FMR1: variants seen among roughly 807,000 people sequenced by gnomAD.
The protein encoded by FMR1 is fragile X messenger ribonucleoprotein 1, also known as FMRP translational regulator 1.
Under a neutral mutation model 50.6 loss-of-function variants are expected in FMR1, and 13 were observed. The observed-to-expected ratio is 0.26, with a 90% CI of 0.17 to 0.41. The LOEUF is 0.41. Among genes scored for constraint, FMR1 ranks in the 10% least tolerant of loss-of-function variants. FMR1 has a pLI of 1.00. For synonymous variants in FMR1, 138 were observed against 164.1 expected (o/e 0.84, Z 1.22); for missense variants, 316 against 491.3 (o/e 0.64, Z 3.37).
chrX:147,935,030 T>C (rs1201061640), intron 9 of FMR1, among the ~76,000 whole-genome samples: 1 of 111,967 alleles, frequency 8.9e-6, no homozygotes, highest in Admixed American at 9.5e-5. Flanking sequence ...AATTAAGATA[T>C]TATCTTAATA....
In FMR1 at chrX:147,925,594, A is replaced by G. The variant is rs2043357733; in HGVS notation, c.159A>G (p.Val53=). Residue 53 remains valine (V), a synonymous_variant, in exon 3 of 17, where the codon GTA becomes GTG. Transcript: ENST00000370475. ...ATGATGTCAGATTCCCACCTCCTGT[A>G]GGTTATAATAAAGATATAAATGAAA... is the stretch of plus-strand genomic sequence containing the variant. The part of the protein sequence containing the change: ...PFHDVRFPPP[V]GYNKDINESD... The G allele has an allele frequency of 1.7e-6, 2 of 1,203,497 alleles. No individual in the cohort carries two copies. Among genetic ancestry groups the G allele is most frequent in the South Asian group, 1.8e-5 (1 of 56,806 alleles).
chrX:147,944,835 C>T, intron 14 of FMR1, 34 bp from the exon 15 acceptor site: 5 of 1,160,106 alleles, frequency 4.3e-6, no homozygotes, highest in Admixed American at 2.6e-5. Context: ...TTTTTAAAGT[C>T]AGACAATGGT....
chrX:147,944,903 A>G lies in FMR1; in HGVS notation c.1506A>G (p.Thr502=). 8.3e-7 allele frequency: 1 copy of G among 1,209,822 alleles called. No individual in the cohort carries two copies. The highest frequency in any genetic ancestry group is 1.1e-6 in the Non-Finnish European group (1 of 894,881). Residue 502 remains threonine (T), a synonymous_variant, in exon 15 of 17, where the codon ACA becomes ACG. Coordinates refer to ENST00000370475, the MANE Select transcript of FMR1 (RefSeq NM_002024.6). ...CTGAAGCATCAAATGCTTCTGAAAC[A>G]GAATCTGACCACAGAGACGAACTCA... The part of the protein sequence containing the change: ...TNSEASNASE[T]ESDHRDELSD...
At chrX:147,938,620 C>T (rs1557180106) in intron 12 of FMR1, among the ~76,000 whole-genome samples, 1 of 111,755 alleles carries the variant, frequency 8.9e-6, no homozygotes, top group East Asian at 2.8e-4. Flanking sequence ...TTGCAATGTG[C>T]TCACCCCTAG....
chrX:147,939,423 ATGGGC>A (rs1557180254), intron 12 of FMR1, among the ~76,000 whole-genome samples: 1 of 111,608 alleles, frequency 9.0e-6, no homozygotes, highest in African/African-American at 3.3e-5. Flanking sequence ...TGAAATGTGT[ATGGGC>A]TTGATAAAAC....
chrX:147,917,164 G>A (rs1557175402), intron 1 of FMR1, among the ~76,000 whole-genome samples: 1 of 111,780 alleles, frequency 8.9e-6, no homozygotes. Context: ...ATTGGTGGTC[G>A]GGTGTACATT....
intron 1 of FMR1, among the ~76,000 whole-genome samples, chrX:147,918,671 G>A (rs1260278240): frequency 2.9e-5 from 3 of 103,512 alleles, no homozygotes; most frequent in African/African-American, 1.1e-4. Context: ...ATTCAACTGG[G>A]CAATAACTTT....
chrX:147,943,616 C>A (rs1557181374), intron 14 of FMR1: 3 of 312,567 alleles, frequency 9.6e-6, no homozygotes, highest in African/African-American at 8.0e-5. Context: ...ACTGTATAGT[C>A]AAAACTTTTT....
At chrX:147,920,236 G>T (rs930461136) in intron 1 of FMR1, among the ~76,000 whole-genome samples, 1 of 111,683 alleles carries the variant, frequency 9.0e-6, no homozygotes, top group Non-Finnish European at 1.9e-5. Flanking sequence ...TTGCATGTGG[G>T]TGTCCACTTG....
At chrX:147,932,033 A>AT (rs1165870832) in intron 7 of FMR1, among the ~76,000 whole-genome samples, 1 of 111,573 alleles carries the variant, frequency 9.0e-6, no homozygotes, top group African/African-American at 3.3e-5. Flanking sequence ...ATATTTAAAC[A>AT]TTTTTTTACC....
intron 13 of FMR1, among the ~76,000 whole-genome samples, chrX:147,941,476 CTA>C (rs1569545972): frequency 8.9e-6 from 1 of 112,287 alleles, no homozygotes; most frequent in African/African-American, 3.2e-5. Context: ...CATTTCAACT[CTA>C]TTTATGGCAT....
intron 5 of FMR1, 144 bp from the exon 6 acceptor site, chrX:147,929,804 C>G (rs1557178304): frequency 2.2e-6 from 1 of 464,134 alleles, no homozygotes; most frequent in Non-Finnish European, 3.7e-6. Context: ...AGAAAAGGAG[C>G]TAAGCTTCTA....
At chrX:147,914,458 T>C (rs1557174685) in intron 1 of FMR1, 1 of 112,092 alleles carries the variant, frequency 8.9e-6, no homozygotes, top group Non-Finnish European at 1.9e-5. Context: ...TGAACTGCTG[T>C]GGAGAAGTGT....
intron 1 of FMR1, chrX:147,913,558 T>C (rs1390686273): frequency 2.7e-5 from 3 of 112,120 alleles, no homozygotes; most frequent in African/African-American, 9.7e-5. Flanking sequence ...AAATAAACAA[T>C]TGACTTTATT....
intron 1 of FMR1, among the ~76,000 whole-genome samples, chrX:147,917,246 G>A (rs2042916957): frequency 1.8e-5 from 2 of 111,981 alleles, no homozygotes; most frequent in Admixed American, 1.9e-4. Flanking sequence ...CTAAGGGAAG[G>A]AATGTGAGGT....
chrX:147,921,497 G>C (rs2043168167), intron 1 of FMR1, among the ~76,000 whole-genome samples: 1 of 110,829 alleles, frequency 9.0e-6, no homozygotes, highest in Non-Finnish European at 1.9e-5. Flanking sequence ...ATAGATTTGA[G>C]GTTATATTTA....
intron 5 of FMR1, 47 bp downstream of exon 5, chrX:147,928,854 ATTAGT>A: frequency 8.7e-7 from 1 of 1,143,560 alleles, no homozygotes; most frequent in Non-Finnish European, 1.2e-6. Context: ...GTGATATGCA[ATTAGT>A]TTAGAAGAAT....
At chrX:147,942,984 C>T (rs2044059302) in intron 13 of FMR1, 147 bp from the exon 14 acceptor site, 1 of 485,636 alleles carries the variant, frequency 2.1e-6, no homozygotes. Flanking sequence ...CATTCAATTT[C>T]CTGATAATTC....
rs1557173914 is a variant in FMR1 at position 147,912,108 on chromosome X, C to CGGAGGA, written c.-70_-69insAGGAGG. 1 of 737,793 alleles carries CGGAGGA rather than the reference C, an allele frequency of 1.4e-6. No homozygotes were observed. The highest frequency in any genetic ancestry group is 1.7e-6 in the Non-Finnish European group (1 of 594,839). 60.8% of individuals were successfully genotyped at this position (737,793 alleles called of 1,213,427 possible). Reference sequence around the variant, plus strand: ...GCGGCGGCGGCGGCGGCGGCGGCGGCGGCTGGGCCTCGAGCGCCCGCAGCC... The same window carrying CGGAGGA: ...GCGGCGGCGGCGGCGGCGGCGGCGGCGGAGGAGGCTGGGCCTCGAGCGCCCGCAGCC... On this transcript the variant is annotated 5_prime_UTR_variant, in exon 1 of 17. Coordinates refer to ENST00000370475, the MANE Select transcript of FMR1 (RefSeq NM_002024.6).
Sources: gnomAD v4.1 joint callset for allele counts (sites outside exome capture counted in the v4.1 genomes callset) on GRCh38, gnomAD v4.1.1 for gene constraint, MANE v1.5 for transcripts, NCBI Gene and HGNC (gene_info 2026-07-23, HGNC 2026-07-21) for gene names.